PCDH15: variants seen among roughly 807,000 people sequenced by gnomAD.
The protein encoded by PCDH15 is protocadherin-15.
PCDH15 carries 129 observed loss-of-function variants against 178.5 expected under a neutral mutation model. The observed-to-expected ratio is 0.72, with a 90% CI of 0.63 to 0.84. PCDH15 has a LOEUF of 0.84. PCDH15 is among the 40% of genes least tolerant of loss of function. The probability of loss-of-function intolerance (pLI) is 0.00; values close to 1 mark genes in which losing one functional copy is unlikely to be tolerated. For missense variants in PCDH15, 2,230 were observed against 2,099.9 expected, an observed-to-expected ratio of 1.06 and a Z score of -1.21; for synonymous variants, 800 against 732.0, an observed-to-expected ratio of 1.09 and a Z score of -1.50.
intron 8 of PCDH15, among the ~76,000 whole-genome samples, chr10:54,285,398 T>A (rs899966237): frequency 2.6e-5 from 4 of 151,980 alleles, no homozygotes; most frequent in African/African-American, 9.7e-5. Flanking sequence ...AATAACCTGA[T>A]TAAACAATGG....
At chr10:54,432,409 C>A (rs568316800) in intron 3 of PCDH15, among the ~76,000 whole-genome samples, 1 of 152,110 alleles carries the variant, frequency 6.6e-6, no homozygotes, top group African/African-American at 2.4e-5. Context: ...GAATAGAGAA[C>A]CCAGAAACAA....
intron 17 of PCDH15, among the ~76,000 whole-genome samples, chr10:54,071,300 T>A (rs2094237609): frequency 6.6e-6 from 1 of 152,170 alleles, no homozygotes; most frequent in South Asian, 2.1e-4. Flanking sequence ...AAACCAGAAA[T>A]GTGTTTTGCT....
chr10:54,900,212 G>A (rs537090016), intron 2 of PCDH15, among the ~76,000 whole-genome samples: 77 of 152,000 alleles, frequency 5.1e-4, no homozygotes, highest in African/African-American at 1.5e-3. Context: ...CTTTTACTTC[G>A]GCACTTACTT....
intron 3 of PCDH15, among the ~76,000 whole-genome samples, chr10:54,423,759 T>C (rs1195057098): frequency 1.3e-5 from 2 of 151,864 alleles, no homozygotes; most frequent in Non-Finnish European, 2.9e-5. Flanking sequence ...GAATGAGATT[T>C]AGCTCAAACA....
intron 3 of PCDH15, among the ~76,000 whole-genome samples, chr10:54,494,278 C>CAG (rs1317442982): frequency 6.6e-6 from 1 of 151,954 alleles, no homozygotes; most frequent in Non-Finnish European, 1.5e-5. Context: ...TTTTGTATTC[C>CAG]AGAGAATGGC....
At chr10:54,516,423 C>CA (rs1326580711) in intron 3 of PCDH15, among the ~76,000 whole-genome samples, 2 of 151,888 alleles carry the variant, frequency 1.3e-5, no homozygotes, top group African/African-American at 4.8e-5. Context: ...GCAGAAGCCT[C>CA]AGGAGCCGAT....
chr10:55,087,133 T>C (rs1449182291), intron 2 of PCDH15, among the ~76,000 whole-genome samples: 3 of 152,158 alleles, frequency 2.0e-5, no homozygotes, highest in African/African-American at 7.2e-5. Flanking sequence ...CATGAAAATA[T>C]ACTTGTTAAA....
intron 8 of PCDH15, among the ~76,000 whole-genome samples, chr10:54,296,705 CA>C (rs2059814807): frequency 1.3e-5 from 2 of 152,154 alleles, no homozygotes; most frequent in Admixed American, 1.3e-4. Context: ...GACCCCTCCT[CA>C]GGCTAGCAGG....
chr10:55,625,719 C>T (rs1268243691), intron 2 of PCDH15, among the ~76,000 whole-genome samples: 1 of 152,160 alleles, frequency 6.6e-6, no homozygotes, highest in African/African-American at 2.4e-5. Context: ...TAAACCTGCT[C>T]ATGCAGATTT....
intron 2 of PCDH15, among the ~76,000 whole-genome samples, chr10:55,515,561 TTTAAA>T (rs1470980987): frequency 2.6e-5 from 4 of 152,144 alleles, no homozygotes; most frequent in African/African-American, 9.7e-5. Context: ...TAGTATTATC[TTTAAA>T]TTAATTAATA....
At chr10:54,275,456 T>C (rs2058298205) in intron 8 of PCDH15, among the ~76,000 whole-genome samples, 1 of 151,720 alleles carries the variant, frequency 6.6e-6, no homozygotes, top group African/African-American at 2.4e-5. Flanking sequence ...AGATCCAGAG[T>C]ATTTCTTGTG....
At chr10:53,915,821 T>C (rs1465553984) in intron 25 of PCDH15, among the ~76,000 whole-genome samples, 1 of 152,188 alleles carries the variant, frequency 6.6e-6, no homozygotes, top group East Asian at 1.9e-4. Flanking sequence ...CCTCCCAAAG[T>C]GCTGGGATTA....
At chr10:54,297,035 G>A (rs1591651518) in intron 8 of PCDH15, among the ~76,000 whole-genome samples, 1 of 152,152 alleles carries the variant, frequency 6.6e-6, no homozygotes, top group South Asian at 2.1e-4. Flanking sequence ...GTGTTGGTGA[G>A]CGCAACTATT....
rs765215862 is a variant in PCDH15 at position 53,827,514 on chromosome 10, G to T, written c.4246C>A (p.Gln1416Lys). ...QAECTKTARI[Q>K]AALPAAKPAV... is the part of the protein sequence containing the mutation. ...GGTTTAGCCGCGGGTAATGCGGCCT[G>T]AATTCGTGCAGTCTTTGTACACTCA... Residue 1416 changes from glutamine to lysine, a missense_variant, in exon 32 of 38, where the codon CAG becomes AAG. Gln to Lys is a moderately conservative substitution (Grantham distance 53). Coordinates refer to ENST00000644397, the MANE Select transcript of PCDH15 (RefSeq NM_001384140.1). 31 of 1,614,016 alleles carry T rather than the reference G, an allele frequency of 1.9e-5. No homozygotes were observed. Among genetic ancestry groups the T allele is most frequent in the Middle Eastern group, 1.6e-4 (1 of 6,084 alleles).
chr10:54,462,512 C>CTTTTTCTTTTTCTT (rs2077241097), intron 3 of PCDH15, among the ~76,000 whole-genome samples: 1 of 66,888 alleles, frequency 1.5e-5, no homozygotes, highest in African/African-American at 7.4e-5. Flanking sequence ...TTTTTCTTTT[C>CTTTTTCTTTTTCTT]TTTTTTTTTT....
chr10:55,583,528 G>A (rs1449028681), intron 2 of PCDH15, among the ~76,000 whole-genome samples: 7 of 152,078 alleles, frequency 4.6e-5, no homozygotes, highest in Non-Finnish European at 1.0e-4. Flanking sequence ...CTGCCTCCCA[G>A]GTTCAAGGGA....
chr10:53,825,123 A>AT, intron 32 of PCDH15: 1 of 1,539,806 alleles, frequency 6.5e-7, no homozygotes, highest in Non-Finnish European at 8.8e-7. Flanking sequence ...TTAGAGTGAT[A>AT]TTATTTACTT....
chr10:54,407,166 T>C (rs980249158), intron 3 of PCDH15, among the ~76,000 whole-genome samples: 4 of 152,116 alleles, frequency 2.6e-5, no homozygotes, highest in African/African-American at 9.7e-5. Context: ...AAAATGAATC[T>C]ATAGTGATAG....
At chr10:54,265,858 G>A (rs535037349) in intron 8 of PCDH15, among the ~76,000 whole-genome samples, 18 of 152,074 alleles carry the variant, frequency 1.2e-4, no homozygotes, top group Admixed American at 9.8e-4. Flanking sequence ...GACAGTGGTA[G>A]ATAGATTTAT....
Sources: gnomAD v4.1 joint callset for allele counts (sites outside exome capture counted in the v4.1 genomes callset) on GRCh38, gnomAD v4.1.1 for gene constraint, MANE v1.5 for transcripts, NCBI Gene and HGNC (gene_info 2026-07-23, HGNC 2026-07-21) for gene names.